Variants in ERI1 observed in about 807,000 individuals in gnomAD.
ERI1 encodes 3'-5' exoribonuclease 1.
A neutral mutation model predicts 39.7 loss-of-function variants in ERI1; 39 were observed. That is an observed-to-expected ratio of 0.98 (90% CI 0.76 to 1.28). ERI1 has a LOEUF of 1.28. Ranked by LOEUF, ERI1 falls within the 50% of genes most tolerant of loss-of-function variation. The pLI is 0.00. For missense variants in ERI1, 581 were observed against 416.9 expected (o/e 1.39, Z -3.43); for synonymous variants, 204 against 149.6 (o/e 1.36, Z -2.65).
At chr8:9,065,204 C>A (rs1308627002) in intron 3 of ERI1, among the ~76,000 whole-genome samples, 1 of 152,188 alleles carries the variant, frequency 6.6e-6, no homozygotes, top group South Asian at 2.1e-4. Context: ...CACCAACTAT[C>A]TATAGTACAG....
chr8:9,045,064 T>A (rs565792891), intron 3 of ERI1, among the ~76,000 whole-genome samples: 85 of 151,910 alleles, frequency 5.6e-4, no homozygotes, highest in Non-Finnish European at 2.8e-4. Context: ...GGTGAAACCC[T>A]GTCTCTACAA....
chr8:9,018,829 C>G (rs570611897), intron 5 of ERI1, among the ~76,000 whole-genome samples: 1 of 152,290 alleles, frequency 6.6e-6, no homozygotes, highest in African/African-American at 2.4e-5. Flanking sequence ...TGTGTAGTTA[C>G]TTATGCCTCC....
At chr8:9,049,329 C>A (rs1798278221) in intron 3 of ERI1, among the ~76,000 whole-genome samples, 1 of 77,460 alleles carries the variant, frequency 1.3e-5, no homozygotes, top group Non-Finnish European at 2.5e-5. Context: ...GAGTGAGACT[C>A]CGTCTCCAAA....
At position 9,027,956 on chromosome 8, in the gene ERI1, C is replaced by T. The variant is rs1030190090; in HGVS notation, c.808-1836C>T. Among the ~76,000 whole-genome samples, 4 of 152,132 alleles carry T rather than the reference C, an allele frequency of 2.6e-5. No individual in the cohort carries two copies. In the East Asian group the frequency reaches 7.7e-4, roughly 29 times the overall value. ...CATGGCACATAATTGTTTTAATATG[C>T]TGCTGATTTAAATTTGCTTATATTT... On this transcript the variant is annotated intron_variant, in intron 6 of 6. Coordinates refer to ENST00000250263, the MANE Select transcript of ERI1 (RefSeq NM_153332.4).
intron 3 of ERI1, among the ~76,000 whole-genome samples, chr8:9,077,862 T>C (rs1308528038): frequency 6.6e-6 from 1 of 152,186 alleles, no homozygotes; most frequent in African/African-American, 2.4e-5. Context: ...ATTTGGGGAA[T>C]TTTTTTCTGA....
intron 6 of ERI1, among the ~76,000 whole-genome samples, chr8:9,027,809 A>G (rs535730274): frequency 5.7e-4 from 87 of 152,264 alleles, no homozygotes; most frequent in African/African-American, 1.9e-3. Context: ...ATTAGTTTGT[A>G]TGTCTATACT....
chr8:9,003,228 C>T, intron 1 of ERI1, 57 bp downstream of exon 1: 3 of 1,052,766 alleles, frequency 2.8e-6, no homozygotes, highest in Non-Finnish European at 2.4e-6. Flanking sequence ...CCCAAAGCGC[C>T]CTCGGCACCC....
At chr8:9,067,354 G>A (rs1798909184) in intron 3 of ERI1, among the ~76,000 whole-genome samples, 1 of 150,236 alleles carries the variant, frequency 6.7e-6, no homozygotes, top group South Asian at 2.1e-4. Flanking sequence ...TAAAGGTCAT[G>A]ATGGGATTTC....
chr8:9,095,194 A>G (rs935991305), intron 3 of ERI1, among the ~76,000 whole-genome samples: 18 of 152,130 alleles, frequency 1.2e-4, no homozygotes, highest in Non-Finnish European at 1.2e-4. Context: ...CTTTGAAAAC[A>G]CTTTTAAATT....
chr8:9,085,965 G>A (rs1799512385), intron 3 of ERI1, among the ~76,000 whole-genome samples: 1 of 150,722 alleles, frequency 6.6e-6, no homozygotes, highest in Non-Finnish European at 1.5e-5. Context: ...GCATGCATGT[G>A]TTGGTTTGTG....
At chr8:9,015,086 C>T (rs777177529) in intron 3 of ERI1, among the ~76,000 whole-genome samples, 20 of 152,270 alleles carry the variant, frequency 1.3e-4, no homozygotes, top group Admixed American at 2.0e-4. Context: ...ATCCACCCCC[C>T]TTGGCCTCCC....
At chr8:9,039,544 A>G (rs1432431326) in intron 3 of ERI1, among the ~76,000 whole-genome samples, 1 of 152,136 alleles carries the variant, frequency 6.6e-6, no homozygotes, top group Non-Finnish European at 1.5e-5. Context: ...TTTAACTTAT[A>G]ACAAGTCGCA....
chr8:9,015,133 G>A (rs983161064), intron 3 of ERI1, among the ~76,000 whole-genome samples: 1 of 152,118 alleles, frequency 6.6e-6, no homozygotes, highest in Non-Finnish European at 1.5e-5. Flanking sequence ...CACCACATCT[G>A]GCCTCAGGTG....
intron 3 of ERI1, among the ~76,000 whole-genome samples, chr8:9,046,700 G>A (rs370238122): frequency 6.8e-4 from 103 of 152,324 alleles, no homozygotes; most frequent in African/African-American, 2.3e-3. Context: ...TTACTATTGA[G>A]TCTTTTATGC....
chr8:9,093,277 A>G (rs1186123589), intron 3 of ERI1, among the ~76,000 whole-genome samples: 1 of 152,204 alleles, frequency 6.6e-6, no homozygotes, highest in Non-Finnish European at 1.5e-5. Flanking sequence ...TAACGTTTTA[A>G]GAAAGTTTAT....
chr8:9,074,818 C>T (rs1585286167), intron 3 of ERI1, among the ~76,000 whole-genome samples: 1 of 152,158 alleles, frequency 6.6e-6, no homozygotes, highest in African/African-American at 2.4e-5. Context: ...TTCCTAAAAC[C>T]TTAATTAATA....
In ERI1 at chr8:9,033,016, C is replaced by T. The variant is rs1797697735; in HGVS notation, c.*2982C>T. ...GCGACATATGATAAAATGTTTTGCA[C>T]ATAGTTGAATCCAGCGTTGATACAT... On this transcript the variant is annotated 3_prime_UTR_variant, in exon 7 of 7. Coordinates refer to ENST00000250263, the MANE Select transcript of ERI1 (RefSeq NM_153332.4). 6.6e-6 allele frequency: 1 copy of T among 152,194 alleles called. No homozygotes were observed. Among genetic ancestry groups the T allele is most frequent in the Non-Finnish European group, 1.5e-5 (1 of 68,034 alleles). The allele number at this position is 152,194 out of a possible 1,614,324, so 9.4% of individuals were successfully genotyped here. A position where few individuals can be genotyped will look rare whatever the true frequency, so the allele number is the denominator to read the frequency against.
chr8:9,041,619 A>G (rs1186285367), intron 3 of ERI1, among the ~76,000 whole-genome samples: 1 of 152,270 alleles, frequency 6.6e-6, no homozygotes, highest in African/African-American at 2.4e-5. Flanking sequence ...AATGAGATTT[A>G]AAACTTCCTT....
intron 3 of ERI1, among the ~76,000 whole-genome samples, chr8:9,014,876 C>T (rs1450405781): frequency 6.6e-6 from 1 of 151,978 alleles, no homozygotes; most frequent in Non-Finnish European, 1.5e-5. Flanking sequence ...CTTGCTTTGT[C>T]ACCCAGGCTG....
Sources: gnomAD v4.1 joint callset for allele counts (sites outside exome capture counted in the v4.1 genomes callset) on GRCh38, gnomAD v4.1.1 for gene constraint, MANE v1.5 for transcripts, NCBI Gene and HGNC (gene_info 2026-07-23, HGNC 2026-07-21) for gene names.